Variants in CENPP observed in about 807,000 individuals in gnomAD.
The protein encoded by CENPP is centromere protein P.
A neutral mutation model predicts 35.6 loss-of-function variants in CENPP; 24 were observed. The ratio of observed to expected loss-of-function variants is 0.67; its 90% CI spans 0.49 to 0.95. The LOEUF is 0.95. Ranked by LOEUF, CENPP falls within the 40% of genes least tolerant of loss-of-function variation. The pLI is 0.00. For missense variants in CENPP, 332 were observed against 345.3 expected (o/e 0.96, Z 0.31); for synonymous variants, 120 against 125.5 (o/e 0.96, Z 0.29).
intron 5 of CENPP, chr9:92,393,301 C>G: frequency 7.3e-7 from 1 of 1,374,386 alleles, no homozygotes; most frequent in Non-Finnish European, 9.9e-7. Flanking sequence ...TATTTCTCCT[C>G]TAGTAGTAAA....
chr9:92,604,588 TTTAG>T (rs752296137), intron 5 of CENPP, among the ~76,000 whole-genome samples: 1 of 152,208 alleles, frequency 6.6e-6, no homozygotes, highest in East Asian at 1.9e-4. Flanking sequence ...TGCTTTTTTA[TTTAG>T]TTAGTTTTAT....
At chr9:92,515,163 TC>T (rs1171132139) in intron 5 of CENPP, 1 of 1,608,894 alleles carries the variant, frequency 6.2e-7, no homozygotes, top group African/African-American at 1.3e-5. Flanking sequence ...AAAATTCATT[TC>T]TATCATTTAA....
At chr9:92,578,484 C>T (rs1311697403) in intron 5 of CENPP, among the ~76,000 whole-genome samples, 3 of 152,072 alleles carry the variant, frequency 2.0e-5, no homozygotes, top group Non-Finnish European at 2.9e-5. Context: ...TTTTTAATGA[C>T]TGCCATTCTA....
rs1397181929 is a variant in CENPP at position 92,452,406 on chromosome 9, G to T, written c.564+72547G>T. Reference sequence around the variant, plus strand: ...GTTTATATGCTGGATTACATTTATTGATTTGTGTATATTGAACCAGCCTTG... The same window carrying T: ...GTTTATATGCTGGATTACATTTATTTATTTGTGTATATTGAACCAGCCTTG... On this transcript the variant is annotated intron_variant, in intron 5 of 7. Coordinates refer to ENST00000375587, the MANE Select transcript of CENPP (RefSeq NM_001012267.3). Among the ~76,000 whole-genome samples, 13 of 149,884 alleles carry T rather than the reference G, an allele frequency of 8.7e-5. No homozygotes were observed. In the East Asian group the frequency reaches 2.6e-3, roughly 30 times the overall value.
At chr9:92,578,996 T>A (rs1179706447) in intron 5 of CENPP, among the ~76,000 whole-genome samples, 1 of 152,050 alleles carries the variant, frequency 6.6e-6, no homozygotes, top group African/African-American at 2.4e-5. Context: ...AAGGAAGGGA[T>A]CCAGTTTCAG....
chr9:92,434,047 C>T (rs994893653), intron 5 of CENPP, among the ~76,000 whole-genome samples: 4 of 152,024 alleles, frequency 2.6e-5, no homozygotes, highest in African/African-American at 9.7e-5. Flanking sequence ...CTAGCTGAGC[C>T]AAGATTGAAG....
chr9:92,507,503 A>G (rs1563974430), intron 5 of CENPP, among the ~76,000 whole-genome samples: 1 of 152,220 alleles, frequency 6.6e-6, no homozygotes, highest in Non-Finnish European at 1.5e-5. Flanking sequence ...GTAACAGGAA[A>G]TAGGATGGAG....
intron 5 of CENPP, chr9:92,505,496 A>G (rs1846945665): frequency 6.6e-7 from 1 of 1,513,672 alleles, no homozygotes; most frequent in South Asian, 1.2e-5. Context: ...TATTTCAAAT[A>G]TAATACATTT....
At chr9:92,467,818 G>A (rs996452471) in intron 5 of CENPP, among the ~76,000 whole-genome samples, 6 of 152,138 alleles carry the variant, frequency 3.9e-5, no homozygotes, top group Non-Finnish European at 8.8e-5. Context: ...CACCAAGAAA[G>A]GGTAAGCCTA....
chr9:92,409,719 A>G (rs1843396745), intron 5 of CENPP, among the ~76,000 whole-genome samples: 1 of 152,244 alleles, frequency 6.6e-6, no homozygotes, highest in Non-Finnish European at 1.5e-5. Context: ...AGTTTAACCT[A>G]TTAGCTAACA....
Position 92,593,354 on chromosome 9 carries a change from G to A in CENPP, c.565-17960G>A, listed in dbSNP as rs761561611. The stretch of plus-strand genomic sequence containing the variant: ...AATATCATTTTGAATGAATGAATGA[G>A]TCAGCCCAAGCTTATGTTGTGCAGG... On this transcript the variant is annotated intron_variant, in intron 5 of 7. Coordinates refer to ENST00000375587, the MANE Select transcript of CENPP (RefSeq NM_001012267.3). The surrounding 1 kb of genome is among the most constrained non-coding windows in gnomAD (Gnocchi z 4.1). Among the ~76,000 whole-genome samples, 4 of 152,230 alleles carry A rather than the reference G, an allele frequency of 2.6e-5. No homozygotes were observed. The highest frequency in any genetic ancestry group is 5.9e-5 in the Non-Finnish European group (4 of 68,046).
chr9:92,354,203 G>A (rs778920515), intron 4 of CENPP, among the ~76,000 whole-genome samples: 2 of 152,190 alleles, frequency 1.3e-5, no homozygotes, highest in Admixed American at 6.6e-5. Flanking sequence ...ACCCATATCC[G>A]GAGTAAGTGT....
chr9:92,602,730 G>C (rs551590565), intron 5 of CENPP, among the ~76,000 whole-genome samples: 1 of 152,208 alleles, frequency 6.6e-6, no homozygotes, highest in Non-Finnish European at 1.5e-5. Flanking sequence ...CCATGTCTCA[G>C]CATGGCGCAA....
At chr9:92,351,186 T>C (rs537708503) in intron 4 of CENPP, among the ~76,000 whole-genome samples, 1 of 152,302 alleles carries the variant, frequency 6.6e-6, no homozygotes. Flanking sequence ...CATAACTCTT[T>C]CCTCTTTTAA....
At chr9:92,494,482 T>C (rs1180620870) in intron 5 of CENPP, among the ~76,000 whole-genome samples, 3 of 152,238 alleles carry the variant, frequency 2.0e-5, no homozygotes, top group Non-Finnish European at 2.9e-5. Context: ...CATAAAATTC[T>C]AGTTTTCTTC....
rs77282252 is a variant in CENPP, at chr9:92,432,085, G to A, written c.564+52226G>A. ...CACGCCTGTAATCCCAACACTTTGG[G>A]AAGCTGAGGCGGTTGGATCACCTGA... is the stretch of plus-strand genomic sequence containing the variant. On this transcript the variant is annotated intron_variant, in intron 5 of 7. Coordinates refer to ENST00000375587, the MANE Select transcript of CENPP (RefSeq NM_001012267.3). Among the ~76,000 whole-genome samples, 732 of 152,260 alleles carry A rather than the reference G, an allele frequency of 4.8e-3. 4 individuals are homozygous for A. The highest frequency in any genetic ancestry group is 0.015 in the African/African-American group (637 of 41,550).
intron 5 of CENPP, among the ~76,000 whole-genome samples, chr9:92,486,290 TG>T (rs1846056300): frequency 6.6e-6 from 1 of 152,140 alleles, no homozygotes; most frequent in Non-Finnish European, 1.5e-5. Flanking sequence ...AAGGGATAAG[TG>T]ATTAAGATTT....
At chr9:92,475,514 C>T (rs188870598) in intron 5 of CENPP, among the ~76,000 whole-genome samples, 200 of 152,248 alleles carry the variant, frequency 1.3e-3, no homozygotes, top group African/African-American at 4.4e-3. Flanking sequence ...ATGAGTATTA[C>T]CTTTATAATG....
At position 92,491,047 on chromosome 9, in the gene CENPP, C is replaced by T. The variant is rs542388372; in HGVS notation, c.564+111188C>T. ...ACTCTTTATTCAAGAGACGTTTTAG[C>T]ACCTACTTTGCACAAATTCAGGGGT... On this transcript the variant is annotated intron_variant, in intron 5 of 7. Coordinates refer to ENST00000375587, the MANE Select transcript of CENPP (RefSeq NM_001012267.3). Among the ~76,000 whole-genome samples the T allele has an allele frequency of 3.3e-4, 51 of 152,298 alleles. 1 individual carries two copies. Among genetic ancestry groups the T allele is most frequent in the Admixed American group, 3.3e-3 (50 of 15,306 alleles).
Sources: allele counts gnomAD v4.1 joint callset (sites outside exome capture counted in the v4.1 genomes callset), GRCh38; gene constraint gnomAD v4.1.1; non-coding constraint Gnocchi (gnomAD v3.1); transcripts MANE v1.5; gene names NCBI Gene and HGNC (gene_info 2026-07-23, HGNC 2026-07-21).